The following AVP variants were observed in gnomAD, a reference collection of about 807,000 sequenced individuals.
AVP encodes arginine vasopressin.
A neutral mutation model predicts 11.1 loss-of-function variants in AVP; 9 were observed. That is an observed-to-expected ratio of 0.81 (90% confidence interval 0.49 to 1.42). AVP has a LOEUF of 1.42. AVP is among the 40% of genes most tolerant of loss of function. The probability of loss-of-function intolerance (pLI) is 0.00; values close to 1 mark genes in which losing one functional copy is unlikely to be tolerated. For missense variants in AVP, 206 were observed against 238.5 expected (o/e 0.86, Z 0.90); for synonymous variants, 106 against 111.3 (o/e 0.95, Z 0.30).
Position 3,082,850 on chromosome 20 carries a change from CG to C in AVP, c.323-49del. On this transcript the variant is annotated intron_variant, in intron 2 of 2. Coordinates refer to ENST00000380293, the MANE Select transcript of AVP (RefSeq NM_000490.5). This position sits in a 1 kb window ranked among gnomAD's most constrained non-coding sequence, Gnocchi z 4.7. ...CGGGCGCCCTGGGGCGGGCGCAGCT[CG>C]GGGTGCGGGGGGCCCACACCCTCCC... 1 of 1,219,716 alleles carries C rather than the reference CG, an allele frequency of 8.2e-7. No homozygotes were observed. The highest frequency in any genetic ancestry group is 1.0e-6 in the Non-Finnish European group (1 of 981,188). 75.6% of individuals were successfully genotyped at this position (1,219,716 alleles called of 1,614,324 possible).
At position 3,083,602 on chromosome 20, in the gene AVP, C is replaced by T; in HGVS notation, c.121-424G>A. 6.6e-6 allele frequency among the ~76,000 whole-genome samples: 1 copy of T among 152,168 alleles called. No homozygotes were observed. Among genetic ancestry groups the T allele is most frequent in the East Asian group, 1.9e-4 (1 of 5,186 alleles). On this transcript the variant is annotated intron_variant, in intron 1 of 2. Coordinates refer to ENST00000380293, the MANE Select transcript of AVP (RefSeq NM_000490.5). The surrounding 1 kb of genome is among the most constrained non-coding windows in gnomAD (Gnocchi z 5.4). ...CGGGCCCACCCCCTTCCCCACTACACCATGCGGAGAGGCCCTACCCATCCA... is the reference window on the plus strand; with the variant it reads ...CGGGCCCACCCCCTTCCCCACTACATCATGCGGAGAGGCCCTACCCATCCA...
Position 3,083,081 on chromosome 20 carries a change from A to C in AVP, c.218T>G (p.Leu73Arg). Residue 73 changes from leucine (L) to arginine (R), a missense_variant, in exon 2 of 3, where the codon CTG (leucine) becomes CGG (arginine). By Grantham distance (102) the Leu-to-Arg change is moderately radical. This residue lies in a region of AVP where 100 missense variants were observed against 149.3 expected (regional missense o/e 0.67). Coordinates refer to ENST00000380293, the MANE Select transcript of AVP (RefSeq NM_000490.5). The surrounding 1 kb of genome is among the most constrained non-coding windows in gnomAD (Gnocchi z 5.4). The stretch of plus-strand genomic sequence containing the variant: ...CAGGTAGTTCTCCTCCTGGCAGCGC[A>C]GCGCCTCAGCCGTGCCCACGAAGCA... The part of the protein sequence containing the change: ...LGCFVGTAEA[L>R]RCQEENYLPS... 6.4e-7 allele frequency: 1 copy of C among 1,561,088 alleles called. No individual in the cohort carries two copies. The highest frequency in any genetic ancestry group is 1.2e-5 in the South Asian group (1 of 86,152).
chr20:3,082,952 C>A lies in AVP; in HGVS notation c.322+25G>T. 1.5e-6 allele frequency: 2 copies of A among 1,375,428 alleles called. No homozygotes were observed. The highest frequency in any genetic ancestry group is 1.6e-5 in the South Asian group (1 of 62,212). 85.2% of individuals were successfully genotyped at this position (1,375,428 alleles called of 1,614,324 possible). On this transcript the variant is annotated intron_variant, in intron 2 of 2. Transcript: ENST00000380293. The surrounding 1 kb of genome is among the most constrained non-coding windows in gnomAD (Gnocchi z 4.7). ...CCCAAGCGGTCTGCGCCCCCCCCAG[C>A]CCCAGGCCCGCCCCCGCCGCGCACC...
chr20:3,082,627 G>A lies in AVP; in HGVS notation c.*3C>T. On this transcript the variant is annotated 3_prime_UTR_variant, in exon 3 of 3. Coordinates refer to ENST00000380293, the MANE Select transcript of AVP (RefSeq NM_000490.5). The surrounding 1 kb of genome is among the most constrained non-coding windows in gnomAD (Gnocchi z 4.7). ...GAGCGCGCCGGTGGGGCGAGCGCGG[G>A]GCTCAGTAGGCGTCGGGCTGGGCGG... 10 of 1,256,710 alleles carry A rather than the reference G, an allele frequency of 8.0e-6. No individual in the cohort carries two copies. Among genetic ancestry groups the A allele is most frequent in the Non-Finnish European group, 1.0e-5 (10 of 1,003,352 alleles). 77.8% of individuals were successfully genotyped at this position (1,256,710 alleles called of 1,614,324 possible). A position where few individuals can be genotyped will look rare whatever the true frequency, so the allele number is the denominator to read the frequency against.
Position 3,082,943 on chromosome 20 carries a change from C to CT in AVP, c.322+33_322+34insA, listed in dbSNP as rs932498498. Reference sequence around the variant, plus strand: ...TCCCCCCCACCCAAGCGGTCTGCGCCCCCCCCAGCCCCAGGCCCGCCCCCG... The same window carrying CT: ...TCCCCCCCACCCAAGCGGTCTGCGCCTCCCCCCAGCCCCAGGCCCGCCCCCG... On this transcript the variant is annotated intron_variant, in intron 2 of 2. Coordinates refer to ENST00000380293, the MANE Select transcript of AVP (RefSeq NM_000490.5). The surrounding 1 kb of genome is among the most constrained non-coding windows in gnomAD (Gnocchi z 4.7). 1.6e-6 allele frequency: 2 copies of CT among 1,225,138 alleles called. No individual in the cohort carries two copies. Among genetic ancestry groups the CT allele is most frequent in the East Asian group, 7.2e-5 (2 of 27,852 alleles). The allele number at this position is 1,225,138 out of a possible 1,614,324, so 75.9% of individuals were successfully genotyped here.
chr20:3,084,442 A>G (rs1163297967), intron 1 of AVP, 113 bp downstream of exon 1: 15 of 1,570,500 alleles, frequency 9.6e-6, no homozygotes, highest in Non-Finnish European at 1.2e-5. Context: ...TCCTCCCCCG[A>G]ACTTCCCCTA....
In AVP at chr20:3,082,975, A is replaced by C. The variant is rs1568733815; in HGVS notation, c.322+2T>G. ...AGCCCCAGGCCCGCCCCCGCCGCGC[A>C]CCGTCGTTGCAGCAAACGCCGAAGG... On this transcript the variant is annotated splice_donor_variant, in intron 2 of 2. Coordinates refer to ENST00000380293, the MANE Select transcript of AVP (RefSeq NM_000490.5). LOFTEE classifies it high-confidence loss of function. This position sits in a 1 kb window ranked among gnomAD's most constrained non-coding sequence, Gnocchi z 4.7. 1.0e-6 allele frequency: 1 copy of C among 992,288 alleles called. No homozygotes were observed. Among genetic ancestry groups the C allele is most frequent in the Non-Finnish European group, 1.3e-6 (1 of 747,642 alleles). 61.5% of individuals were successfully genotyped at this position (992,288 alleles called of 1,614,324 possible).
chr20:3,083,284 G>T lies in AVP; in HGVS notation c.121-106C>A. The T allele has an allele frequency of 8.2e-7, 1 of 1,216,952 alleles. No individual in the cohort carries two copies. The highest frequency in any genetic ancestry group is 1.1e-6 in the Non-Finnish European group (1 of 937,430). 75.4% of individuals were successfully genotyped at this position (1,216,952 alleles called of 1,614,324 possible). ...CTGGGGTCCAGGGCTCGGAGTGCGG[G>T]CGGGACACCGGGGCTGCGGCTGCAG... On this transcript the variant is annotated intron_variant, in intron 1 of 2. Transcript: ENST00000380293. The surrounding 1 kb of genome is among the most constrained non-coding windows in gnomAD (Gnocchi z 5.4).
rs1245818195 is a variant in AVP at position 3,083,955 on chromosome 20, G to T, written c.120+600C>A. On this transcript the variant is annotated intron_variant, in intron 1 of 2. Coordinates refer to ENST00000380293, the MANE Select transcript of AVP (RefSeq NM_000490.5). This position sits in a 1 kb window ranked among gnomAD's most constrained non-coding sequence, Gnocchi z 5.4. ...AATTTGCTCAAGGGCTCATCATTGA[G>T]CCTGGACAGAATTGCATGCACATCG... 6.6e-6 allele frequency among the ~76,000 whole-genome samples: 1 copy of T among 152,240 alleles called. No homozygotes were observed. The highest frequency in any genetic ancestry group is 1.5e-5 in the Non-Finnish European group (1 of 68,042).
Position 3,084,570 on chromosome 20 carries a change from G to C in AVP, c.105C>G (p.Asp35Glu), listed in dbSNP as rs147447861. Reference protein sequence around the residue: ...CPRGGKRAMSDLELRQCLPCG... With the variant: ...CPRGGKRAMSELELRQCLPCG... The stretch of plus-strand genomic sequence containing the variant: ...TGGGAAGTACCTGTCTCAGCTCCAG[G>C]TCGGACATGGCCCTCTTGCCGCCCC... The change falls in exon 1 of 3, where the codon GAC becomes GAG. Residue 35 changes from aspartate to glutamate, a missense_variant. Physicochemically the swap from Asp to Glu is conservative, Grantham distance 45. Coordinates refer to ENST00000380293, the MANE Select transcript of AVP (RefSeq NM_000490.5). The C allele has an allele frequency of 2.4e-5, 38 of 1,613,990 alleles. No individual in the cohort carries two copies. The African/African-American group carries it at 4.0e-4, about 17-fold the overall frequency.
chr20:3,084,291 C>T (rs2066126531), intron 1 of AVP, among the ~76,000 whole-genome samples: 1 of 152,192 alleles, frequency 6.6e-6, no homozygotes, highest in South Asian at 2.1e-4. Flanking sequence ...ACCGGGGAAG[C>T]ATCCCTCATT....
chr20:3,084,689 G>A lies in AVP; in HGVS notation c.-15C>T, dbSNP rs754473184. 1 of 1,612,728 alleles carries A rather than the reference G, an allele frequency of 6.2e-7. No individual in the cohort carries two copies. The highest frequency in any genetic ancestry group is 8.5e-7 in the Non-Finnish European group (1 of 1,180,002). On this transcript the variant is annotated 5_prime_UTR_variant, in exon 1 of 3. Coordinates refer to ENST00000380293, the MANE Select transcript of AVP (RefSeq NM_000490.5). ...GTGTCAGGCATCCTGGTGCACACAG[G>A]TGGACCCCGTATGCAGCACTGCTTG...
rs752983674 is a variant in AVP at position 3,083,215 on chromosome 20, C to A, written c.121-37G>T. ...GGCGGGGTGAGCGGGAGGAGGGGAG[C>A]CGGGAGTCGAGGGGTTGGAGGGGAA... On this transcript the variant is annotated intron_variant, in intron 1 of 2. Transcript: ENST00000380293. This position sits in a 1 kb window ranked among gnomAD's most constrained non-coding sequence, Gnocchi z 5.4. The A allele has an allele frequency of 1.4e-6, 2 of 1,437,106 alleles. No homozygotes were observed. The highest frequency in any genetic ancestry group is 1.8e-6 in the Non-Finnish European group (2 of 1,094,888). 89.0% of individuals were successfully genotyped at this position (1,437,106 alleles called of 1,614,324 possible). A position where few individuals can be genotyped will look rare whatever the true frequency, so the allele number is the denominator to read the frequency against.
chr20:3,082,754 G>A lies in AVP; in HGVS notation c.371C>T (p.Ala124Val). The change falls in exon 3 of 3, where the codon GCC becomes GTC. Residue 124 changes from alanine (A) to valine (V), a missense_variant. Around this residue, in one of 2 missense-constraint regions of AVP, gnomAD observed 106 missense variants for 89.2 expected, o/e 1.19. Transcript: ENST00000380293. The surrounding 1 kb of genome is among the most constrained non-coding windows in gnomAD (Gnocchi z 4.7). Reference protein sequence around the residue: ...PECREGFHRRARASDRSNATQ... With the variant: ...PECREGFHRRVRASDRSNATQ... ...GGCGTTGCTCCGGTCGCTGGCGCGG[G>A]CGCGGCGGTGAAAGCCCTCGCGGCA... The A allele has an allele frequency of 7.9e-7, 1 of 1,273,620 alleles. No individual in the cohort carries two copies. Among genetic ancestry groups the A allele is most frequent in the Non-Finnish European group, 9.9e-7 (1 of 1,012,106 alleles). 78.9% of individuals were successfully genotyped at this position (1,273,620 alleles called of 1,614,324 possible).
At position 3,083,588 on chromosome 20, in the gene AVP, C is replaced by A. The variant is rs1046756428; in HGVS notation, c.121-410G>T. On this transcript the variant is annotated intron_variant, in intron 1 of 2. Coordinates refer to ENST00000380293, the MANE Select transcript of AVP (RefSeq NM_000490.5). This position sits in a 1 kb window ranked among gnomAD's most constrained non-coding sequence, Gnocchi z 5.4. ...CTGCGGCTTGAGCCCGGGCCCACCC[C>A]CTTCCCCACTACACCATGCGGAGAG... Among the ~76,000 whole-genome samples, 2 of 152,192 alleles carry A rather than the reference C, an allele frequency of 1.3e-5. No homozygotes were observed. Among genetic ancestry groups the A allele is most frequent in the Non-Finnish European group, 2.9e-5 (2 of 68,030 alleles).
chr20:3,084,111 G>A (rs1181679389), intron 1 of AVP, among the ~76,000 whole-genome samples: 1 of 152,238 alleles, frequency 6.6e-6, no homozygotes, highest in African/African-American at 2.4e-5. Flanking sequence ...GCCATCTTCT[G>A]TGTGGGGGCC....
Position 3,083,980 on chromosome 20 carries a change from G to C in AVP, c.120+575C>G, listed in dbSNP as rs1260478152. On this transcript the variant is annotated intron_variant, in intron 1 of 2. Transcript: ENST00000380293. This position sits in a 1 kb window ranked among gnomAD's most constrained non-coding sequence, Gnocchi z 5.4. ...GCCTGGACAGAATTGCATGCACATCGTGATTGGATTTCCTTCAGCTCTGCT... is the reference window on the plus strand; with the variant it reads ...GCCTGGACAGAATTGCATGCACATCCTGATTGGATTTCCTTCAGCTCTGCT... Among the ~76,000 whole-genome samples, 1 of 152,236 alleles carries C rather than the reference G, an allele frequency of 6.6e-6. No homozygotes were observed. The highest frequency in any genetic ancestry group is 1.5e-5 in the Non-Finnish European group (1 of 68,048).
chr20:3,082,683 G>A lies in AVP; in HGVS notation c.442C>T (p.Gln148Ter). The change falls in exon 3 of 3, where the codon CAG becomes TAG. Residue 148 changes from glutamine (Q) to a stop codon, truncating the protein, a stop_gained. Coordinates refer to ENST00000380293, the MANE Select transcript of AVP (RefSeq NM_000490.5). LOFTEE classifies it high-confidence loss of function. This position sits in a 1 kb window ranked among gnomAD's most constrained non-coding sequence, Gnocchi z 4.7. ...AAGGGCTCGGGCGCCCCGGCCAGCT[G>A]CACCAGCCGCAGCAGCAAGGCCCCG... ...PAGALLLRLVQLAGAPEPFEP... is the reference protein window; with the variant it reads ...PAGALLLRLV 1.6e-6 allele frequency: 2 copies of A among 1,290,244 alleles called. No individual in the cohort carries two copies. Among genetic ancestry groups the A allele is most frequent in the South Asian group, 2.5e-5 (1 of 40,316 alleles). The allele number at this position is 1,290,244 out of a possible 1,614,324, so 79.9% of individuals were successfully genotyped here.
Position 3,082,914 on chromosome 20 carries a change from C to CCCCGGG in AVP, c.322+62_322+63insCCCGGG. 2 of 810,464 alleles carry CCCCGGG rather than the reference C, an allele frequency of 2.5e-6. No individual in the cohort carries two copies. The highest frequency in any genetic ancestry group is 3.2e-6 in the Non-Finnish European group (2 of 625,834). 50.2% of individuals were successfully genotyped at this position (810,464 alleles called of 1,614,324 possible). A position where few individuals can be genotyped will look rare whatever the true frequency, so the allele number is the denominator to read the frequency against. ...CGCAGCCCCCACCCCGCCGCAGGCCCGCGTCCCCCCCACCCAAGCGGTCTG... is the reference window on the plus strand; with the variant it reads ...CGCAGCCCCCACCCCGCCGCAGGCCCCCCGGGGCGTCCCCCCCACCCAAGCGGTCTG... On this transcript the variant is annotated intron_variant, in intron 2 of 2. Transcript: ENST00000380293. The surrounding 1 kb of genome is among the most constrained non-coding windows in gnomAD (Gnocchi z 4.7).
Sources: allele counts gnomAD v4.1 joint callset (sites outside exome capture counted in the v4.1 genomes callset), GRCh38; gene constraint gnomAD v4.1.1; regional missense constraint gnomAD v4.1.1; non-coding constraint Gnocchi (gnomAD v3.1); transcripts MANE v1.5; gene names NCBI Gene and HGNC (gene_info 2026-07-23, HGNC 2026-07-21).